SRRM3: variants seen among roughly 807,000 people sequenced by gnomAD.
SRRM3 encodes the protein serine/arginine repetitive matrix 3.
SRRM3 carries 27 observed loss-of-function variants against 66.2 expected under a neutral mutation model. The ratio of observed to expected loss-of-function variants is 0.41; its 90% CI spans 0.30 to 0.56. The LOEUF is 0.56. Among genes scored for constraint, SRRM3 ranks in the 20% least tolerant of loss-of-function variants. The probability of loss-of-function intolerance (pLI) is 0.32; values close to 1 mark genes in which losing one functional copy is unlikely to be tolerated. For missense variants in SRRM3, 918 were observed against 991.9 expected (o/e 0.93, Z 1.00); for synonymous variants, 391 against 414.9 (o/e 0.94, Z 0.70).
At chr7:76,235,420 G>T in intron 2 of SRRM3, 121 bp downstream of exon 2, 2 of 904,738 alleles carry the variant, frequency 2.2e-6, no homozygotes, top group South Asian at 1.8e-5. Context: ...CGGGGCTAGG[G>T]GCTATTAGGG....
intron 8 of SRRM3, among the ~76,000 whole-genome samples, chr7:76,263,843 AGCCTGGGCAACAGAGCGGGACTCT>A (rs1801940905): frequency 1.5e-5 from 2 of 137,306 alleles, no homozygotes; most frequent in Non-Finnish European, 3.0e-5. Context: ...ACTGCACACC[AGCCTGGGCAACAGAGCGGGACTCT>A]GTCTCAAGAC....
At chr7:76,258,702 A>C (rs1211415590) in intron 3 of SRRM3, among the ~76,000 whole-genome samples, 1 of 128,092 alleles carries the variant, frequency 7.8e-6, no homozygotes, top group Non-Finnish European at 1.6e-5. Context: ...CGACAGAGTG[A>C]GACTCCATCT....
chr7:76,254,759 C>G (rs1331558257), intron 3 of SRRM3, among the ~76,000 whole-genome samples: 1 of 152,130 alleles, frequency 6.6e-6, no homozygotes, highest in African/African-American at 2.4e-5. Flanking sequence ...GTCAGGCAGG[C>G]ACTTTTGCGG....
At chr7:76,243,286 G>A (rs6967601) in intron 2 of SRRM3, among the ~76,000 whole-genome samples, 12,022 of 152,116 alleles carry the variant, frequency 0.079, 1,128 homozygotes, top group African/African-American at 0.22. Context: ...GTCTCTCCCC[G>A]TCATCACTGT....
At chr7:76,275,794 G>A (rs1174754392) in intron 11 of SRRM3, among the ~76,000 whole-genome samples, 1 of 152,070 alleles carries the variant, frequency 6.6e-6, no homozygotes, top group Non-Finnish European at 1.5e-5. Flanking sequence ...TTACCCAAAG[G>A]TTGGGCCCAG....
intron 2 of SRRM3, among the ~76,000 whole-genome samples, chr7:76,242,680 A>G (rs1165004897): frequency 6.6e-6 from 1 of 152,128 alleles, no homozygotes; most frequent in East Asian, 1.9e-4. Context: ...CTGCAGCTAG[A>G]CAGTCCCATC....
At position 76,285,762 on chromosome 7, in the gene SRRM3, C is replaced by A. The variant is rs534577308; in HGVS notation, c.1881C>A (p.Thr627=). 177 of 1,550,910 alleles carry A rather than the reference C, an allele frequency of 1.1e-4. No individual in the cohort carries two copies. Among genetic ancestry groups the A allele is most frequent in the Non-Finnish European group, 1.5e-4 (172 of 1,147,024 alleles). Residue 627 remains threonine (T), a synonymous_variant, in exon 15 of 15, where the codon ACC becomes ACA. Transcript: ENST00000611745. This position sits in a 1 kb window ranked among gnomAD's most constrained non-coding sequence, Gnocchi z 4.1. ...GCTACAGCAGTCGCAGCCATGGGAC[C>A]CGCAGCCGGACACGCAGCCCCTCGA... ...HGSYSSRSHG[T]RSRTRSPSRT... is the part of the protein sequence containing the mutation.
Position 76,235,191 on chromosome 7 carries a change from CG to C in SRRM3, c.127del (p.Glu43SerfsTer5), listed in dbSNP as rs1554604671. 3 of 1,548,234 alleles carry C rather than the reference CG, an allele frequency of 1.9e-6. No homozygotes were observed. Among genetic ancestry groups the C allele is most frequent in the Non-Finnish European group, 2.6e-6 (3 of 1,155,290 alleles). On this transcript the variant is annotated frameshift_variant, in exon 2 of 15. Coordinates refer to ENST00000611745, the MANE Select transcript of SRRM3 (RefSeq NM_001110199.3). LOFTEE classifies it high-confidence loss of function. ...CGGGCGGAAGAGGAGCTGCGCGCCG[CG>C]GAGCCGGGCCTGGTGAAGCGCGCGC... ...WPRAEEELRA[A>X]EPGLVKRAHR...
In SRRM3 at chr7:76,234,194, AGT is replaced by A. The variant is rs58369922; in HGVS notation, c.-39-805_-39-804del. Among the ~76,000 whole-genome samples, 204 of 140,692 alleles carry A rather than the reference AGT, an allele frequency of 1.4e-3. 1 individual carries two copies. Among genetic ancestry groups the A allele is most frequent in the South Asian group, 6.0e-3 (26 of 4,342 alleles). 92.3% of individuals were successfully genotyped at this position (140,692 alleles called of 152,430 possible). On this transcript the variant is annotated intron_variant, in intron 1 of 14. Transcript: ENST00000611745. ...CCTCTGTTAAGATAGAAGTCCTTGGAGTGTGTGTGTGTGTGTGTGTGTGTGTG... is the reference window on the plus strand; with the variant it reads ...CCTCTGTTAAGATAGAAGTCCTTGGAGTGTGTGTGTGTGTGTGTGTGTGTG...
rs879991919 is a variant in SRRM3, at chr7:76,286,106, C to T, written c.*263C>T. On this transcript the variant is annotated 3_prime_UTR_variant, in exon 15 of 15. Coordinates refer to ENST00000611745, the MANE Select transcript of SRRM3 (RefSeq NM_001110199.3). ...GTGCCCGGGGAACAAAGAGCCGTTA[C>T]GAACACAGGAATCTCCCCATCCCCC... The T allele has an allele frequency of 2.0e-5, 11 of 555,692 alleles. No individual in the cohort carries two copies. Among genetic ancestry groups the T allele is most frequent in the East Asian group, 6.2e-5 (2 of 32,208 alleles). 34.4% of individuals were successfully genotyped at this position (555,692 alleles called of 1,614,324 possible).
At chr7:76,242,488 A>C (rs1202596912) in intron 2 of SRRM3, among the ~76,000 whole-genome samples, 1 of 127,576 alleles carries the variant, frequency 7.8e-6, no homozygotes, top group Non-Finnish European at 1.5e-5. Context: ...TCTGTTTCCC[A>C]AAAAAAAAAG....
intron 1 of SRRM3, among the ~76,000 whole-genome samples, chr7:76,210,643 G>T (rs2116935738): frequency 6.6e-6 from 1 of 152,200 alleles, no homozygotes; most frequent in African/African-American, 2.4e-5. Flanking sequence ...TGGGAGGCTG[G>T]GACATGAGGA....
chr7:76,277,499 GC>G (rs1324689645), intron 11 of SRRM3, among the ~76,000 whole-genome samples: 1 of 151,922 alleles, frequency 6.6e-6, no homozygotes, highest in African/African-American at 2.4e-5. Context: ...TTCGAGACCA[GC>G]CTGGCCAACA....
chr7:76,231,512 C>T (rs1434177675), intron 1 of SRRM3, among the ~76,000 whole-genome samples: 1 of 152,204 alleles, frequency 6.6e-6, no homozygotes, highest in East Asian at 1.9e-4. Flanking sequence ...GGAGCCTTGC[C>T]CAGGTCAGAG....
intron 11 of SRRM3, among the ~76,000 whole-genome samples, chr7:76,270,461 A>C (rs782639604): frequency 1.3e-5 from 2 of 152,106 alleles, no homozygotes; most frequent in Non-Finnish European, 2.9e-5. Context: ...GGATCACCTG[A>C]GGTCAGGAGC....
At chr7:76,239,897 C>A (rs1554605395) in intron 2 of SRRM3, among the ~76,000 whole-genome samples, 2 of 152,040 alleles carry the variant, frequency 1.3e-5, no homozygotes, top group African/African-American at 4.8e-5. Context: ...GGCGTGGTGG[C>A]TCATGCCTGT....
intron 2 of SRRM3, among the ~76,000 whole-genome samples, chr7:76,236,304 C>G (rs1436458873): frequency 2.3e-5 from 3 of 130,834 alleles, no homozygotes; most frequent in African/African-American, 3.1e-5. Flanking sequence ...AGCAAAACTC[C>G]GTCTCAAAAA....
At chr7:76,282,460 CG>C in intron 12 of SRRM3, among the ~76,000 whole-genome samples, 187 bp from the exon 13 acceptor site, 1 of 151,150 alleles carries the variant, frequency 6.6e-6, no homozygotes, top group African/African-American at 2.4e-5. Flanking sequence ...CGCCCCCTCA[CG>C]GGGCTCCCCC....
intron 3 of SRRM3, among the ~76,000 whole-genome samples, chr7:76,250,365 G>A (rs1307199150): frequency 6.6e-6 from 1 of 151,964 alleles, no homozygotes; most frequent in African/African-American, 2.4e-5. Context: ...CTGAGTAGCT[G>A]GGATTGCAGG....
Sources: gnomAD v4.1 joint callset for allele counts (sites outside exome capture counted in the v4.1 genomes callset) on GRCh38, gnomAD v4.1.1 for gene constraint, Gnocchi (gnomAD v3.1) non-coding constraint, MANE v1.5 for transcripts, NCBI Gene and HGNC (gene_info 2026-07-23, HGNC 2026-07-21) for gene names.